The following BLTP3B variants were observed in gnomAD, a reference collection of about 807,000 sequenced individuals.
The protein encoded by BLTP3B is bridge-like lipid transfer protein family member 3B, also known as UHRF1 (ICBP90) binding protein 1-like.
the BLTP3B span, among the ~76,000 whole-genome samples, chr12:100,102,261 C>T: frequency 6.6e-6 from 1 of 152,068 alleles, no homozygotes; most frequent in Non-Finnish European, 1.5e-5. Context: ...AGGTGCATGG[C>T]GCCATGCCCA....
At chr12:100,088,847 T>C in the BLTP3B span, 1 of 1,268,014 alleles carries the variant, frequency 7.9e-7, no homozygotes, top group East Asian at 2.7e-5. Flanking sequence ...ACAGATTTAA[T>C]AAACAATCCA....
the BLTP3B span, among the ~76,000 whole-genome samples, chr12:100,083,651 A>G: frequency 1.3e-5 from 2 of 152,028 alleles, no homozygotes; most frequent in Non-Finnish European, 2.9e-5. Flanking sequence ...GTTTGTATAC[A>G]TGTATCAAAA....
chr12:100,131,437 G>C, the BLTP3B span, among the ~76,000 whole-genome samples: 1 of 151,770 alleles, frequency 6.6e-6, no homozygotes, highest in Non-Finnish European at 1.5e-5. Flanking sequence ...TACTGGTAGT[G>C]GTAAAAAGAA....
chr12:100,090,148 T>C, the BLTP3B span, among the ~76,000 whole-genome samples: 1 of 152,126 alleles, frequency 6.6e-6, no homozygotes, highest in Non-Finnish European at 1.5e-5. Context: ...CCTATAGAAA[T>C]AAAGCACATC....
chr12:100,063,359 G>A, the BLTP3B span, among the ~76,000 whole-genome samples: 3 of 152,132 alleles, frequency 2.0e-5, no homozygotes, highest in Non-Finnish European at 4.4e-5. Context: ...AGATCCAGAA[G>A]AGAGATAACA....
chr12:100,126,730 A>C, the BLTP3B span, among the ~76,000 whole-genome samples: 1 of 152,242 alleles, frequency 6.6e-6, no homozygotes, highest in Non-Finnish European at 1.5e-5. Context: ...GGAATACAGA[A>C]GTATGAGACC....
At chr12:100,052,068 A>T in the BLTP3B span, among the ~76,000 whole-genome samples, 5 of 143,178 alleles carry the variant, frequency 3.5e-5, no homozygotes, top group African/African-American at 1.3e-4. Context: ...TTCCCTTTAA[A>T]TTTTTTTTTT....
At chr12:100,040,688 A>AAACAAC in the BLTP3B span, among the ~76,000 whole-genome samples, 2 of 152,100 alleles carry the variant, frequency 1.3e-5, no homozygotes, top group Non-Finnish European at 2.9e-5. Context: ...TCCGTCTCAA[A>AAACAAC]AACAACAACA....
the BLTP3B span, among the ~76,000 whole-genome samples, chr12:100,112,945 T>C: frequency 6.7e-6 from 1 of 150,156 alleles, no homozygotes; most frequent in African/African-American, 2.5e-5. Context: ...CTGAGGCAAG[T>C]GGATTGCTTG....
At chr12:100,094,888 T>C in the BLTP3B span, among the ~76,000 whole-genome samples, 2 of 152,266 alleles carry the variant, frequency 1.3e-5, no homozygotes, top group Admixed American at 1.3e-4. Context: ...GCCATTCCCA[T>C]GTACAAAGCT....
the BLTP3B span, among the ~76,000 whole-genome samples, chr12:100,087,450 C>G: frequency 2.0e-5 from 3 of 152,052 alleles, no homozygotes; most frequent in Admixed American, 2.0e-4. Context: ...CTTTGGAAAG[C>G]CAAATGTTTC....
chr12:100,108,891 ATGATGGTCACC>A, the BLTP3B span, among the ~76,000 whole-genome samples: 8 of 152,266 alleles, frequency 5.3e-5, no homozygotes, highest in South Asian at 1.5e-3. Context: ...AAGAGTAGAA[ATGATGGTCACC>A]AGAGGCTGGA....
At chr12:100,061,955 T>C in the BLTP3B span, among the ~76,000 whole-genome samples, 1 of 152,212 alleles carries the variant, frequency 6.6e-6, no homozygotes, top group African/African-American at 2.4e-5. Context: ...CTAAAGCCTT[T>C]AAACAGACAA....
the BLTP3B span, among the ~76,000 whole-genome samples, chr12:100,048,960 CT>C: frequency 1.3e-5 from 2 of 151,976 alleles, no homozygotes; most frequent in South Asian, 4.1e-4. Flanking sequence ...AGTGAAACCC[CT>C]GAAGTAAATT....
chr12:100,076,434 T>A, the BLTP3B span, among the ~76,000 whole-genome samples: 6 of 139,846 alleles, frequency 4.3e-5, no homozygotes, highest in Non-Finnish European at 7.7e-5. Context: ...CACTCTGTCA[T>A]CCAGGCTGGA....
chr12:100,109,600 C>T, the BLTP3B span, among the ~76,000 whole-genome samples: 4 of 151,942 alleles, frequency 2.6e-5, no homozygotes, highest in African/African-American at 7.3e-5. Context: ...CTGGTCTCTA[C>T]TAAAAATACA....
At chr12:100,045,279 C>T in the BLTP3B span, among the ~76,000 whole-genome samples, 49 of 152,222 alleles carry the variant, frequency 3.2e-4, no homozygotes, top group East Asian at 7.9e-3. Flanking sequence ...CAAAAAAGAG[C>T]CCACATAGCC....
the BLTP3B span, among the ~76,000 whole-genome samples, chr12:100,084,864 A>G: frequency 3.3e-5 from 5 of 152,184 alleles, no homozygotes; most frequent in Non-Finnish European, 5.9e-5. Flanking sequence ...AATCATCTGG[A>G]GGAGTTTCTA....
chr12:100,125,202 C>T, the BLTP3B span, among the ~76,000 whole-genome samples: 319 of 150,398 alleles, frequency 2.1e-3, 2 homozygotes, highest in African/African-American at 7.3e-3. Flanking sequence ...CATGGAGGCA[C>T]ACGCCTGTAA....
Sources: allele counts gnomAD v4.1 joint callset (sites outside exome capture counted in the v4.1 genomes callset), GRCh38; gene constraint gnomAD v4.1.1; transcripts MANE v1.5; gene names NCBI Gene and HGNC (gene_info 2026-07-23, HGNC 2026-07-21).